MYO5A: variants seen among roughly 807,000 people sequenced by gnomAD.
MYO5A encodes the protein unconventional myosin-Va.
A neutral mutation model predicts 249.7 loss-of-function variants in MYO5A; 98 were observed. The observed-to-expected ratio is 0.39, with a 90% confidence interval of 0.33 to 0.46. The LOEUF is 0.46. Ranked by LOEUF, MYO5A falls within the 20% of genes least tolerant of loss-of-function variation. The pLI, the probability that MYO5A is intolerant of heterozygous loss-of-function variation, is 0.98. For synonymous variants in MYO5A, 778 were observed against 810.6 expected (o/e 0.96, Z 0.68); for missense variants, 1,696 against 2,308.8 (o/e 0.73, Z 5.44).
At chr15:52,435,007 A>T (rs1259993425) in intron 1 of MYO5A, among the ~76,000 whole-genome samples, 1 of 152,228 alleles carries the variant, frequency 6.6e-6, no homozygotes, top group African/African-American at 2.4e-5. Flanking sequence ...AGTATGTTAA[A>T]TATGGGGCAA....
intron 41 of MYO5A, 68 bp downstream of exon 41, chr15:52,314,054 CA>C (rs1422210063): frequency 1.4e-6 from 2 of 1,394,398 alleles, no homozygotes; most frequent in Admixed American, 3.4e-5. Context: ...CATTATCCTT[CA>C]ATAAATTACA....
intron 1 of MYO5A, among the ~76,000 whole-genome samples, chr15:52,514,283 T>A (rs1195773310): frequency 6.6e-6 from 1 of 152,216 alleles, no homozygotes; most frequent in Non-Finnish European, 1.5e-5. Flanking sequence ...GTATGGTATA[T>A]GAATTACAGC....
chr15:52,329,723 T>C (rs149182940), intron 35 of MYO5A, among the ~76,000 whole-genome samples: 1 of 152,306 alleles, frequency 6.6e-6, no homozygotes, highest in Non-Finnish European at 1.5e-5. Flanking sequence ...GTGGTTACAC[T>C]TGAGAATCCC....
chr15:52,321,097 G>A (rs1324320554), intron 38 of MYO5A, among the ~76,000 whole-genome samples: 1 of 151,936 alleles, frequency 6.6e-6, no homozygotes, highest in African/African-American at 2.4e-5. Context: ...AAAATTCAAT[G>A]CATTCAACTG....
chr15:52,450,357 AT>A (rs2075989503), intron 1 of MYO5A, among the ~76,000 whole-genome samples: 1 of 151,748 alleles, frequency 6.6e-6, no homozygotes, highest in Admixed American at 6.6e-5. Flanking sequence ...CATTAATAAT[AT>A]TCTTTAAAAA....
At chr15:52,519,993 T>A (rs76476393) in intron 1 of MYO5A, among the ~76,000 whole-genome samples, 22,644 of 152,094 alleles carry the variant, frequency 0.15, 1,796 homozygotes, top group Middle Eastern at 0.22. Context: ...CCTCCCAAAG[T>A]GCTGAGGATT....
At chr15:52,398,213 T>C (rs1282417648) in intron 9 of MYO5A, among the ~76,000 whole-genome samples, 1 of 152,188 alleles carries the variant, frequency 6.6e-6, no homozygotes, top group Non-Finnish European at 1.5e-5. Context: ...GCAGGTAACT[T>C]GATAGTTATT....
At chr15:52,418,468 C>A (rs544931306) in intron 4 of MYO5A, among the ~76,000 whole-genome samples, 1 of 152,118 alleles carries the variant, frequency 6.6e-6, no homozygotes, top group East Asian at 1.9e-4. Flanking sequence ...TTGGAAGTAA[C>A]TGCTATAAAA....
At chr15:52,359,896 G>A in intron 25 of MYO5A, 72 bp downstream of exon 25, 1 of 1,060,034 alleles carries the variant, frequency 9.4e-7, no homozygotes, top group Non-Finnish European at 1.4e-6. Flanking sequence ...AGTCTGCTTT[G>A]CAATGGAAAT....
intron 1 of MYO5A, among the ~76,000 whole-genome samples, chr15:52,514,731 C>T (rs1288212426): frequency 6.6e-6 from 1 of 152,152 alleles, no homozygotes; most frequent in Admixed American, 6.5e-5. Flanking sequence ...TGTCACAGAC[C>T]TACTGAGTCA....
In MYO5A at chr15:52,379,845, G is replaced by A. The variant is rs747003021; in HGVS notation, c.2076C>T (p.Ile692=). The A allele has an allele frequency of 6.2e-7, 1 of 1,614,188 alleles. No individual in the cohort carries two copies. Among genetic ancestry groups the A allele is most frequent in the South Asian group, 1.1e-5 (1 of 91,084 alleles). Residue 692 remains isoleucine (I), a synonymous_variant, in exon 17 of 42, where the codon ATC becomes ATT. Coordinates refer to ENST00000399233, the MANE Select transcript of MYO5A (RefSeq NM_001382347.1). The stretch of plus-strand genomic sequence containing the variant: ...ACCGTGAGGGGAAACCGGCCGCACT[G>A]ATTCGGATGGTTTCCAGGACACCAC... The part of the protein sequence containing the change: ...RACGVLETIR[I]SAAGFPSRWT...
intron 1 of MYO5A, among the ~76,000 whole-genome samples, chr15:52,493,370 T>C (rs1420235390): frequency 6.6e-6 from 1 of 152,132 alleles, no homozygotes; most frequent in African/African-American, 2.4e-5. Flanking sequence ...ATTTCAAAAA[T>C]TTATTACTGG....
At chr15:52,493,497 A>C (rs1261622004) in intron 1 of MYO5A, among the ~76,000 whole-genome samples, 1 of 151,954 alleles carries the variant, frequency 6.6e-6, no homozygotes, top group South Asian at 2.1e-4. Flanking sequence ...ACTCCGTTCT[A>C]CTAAAAATAC....
At chr15:52,424,197 T>G (rs1170453523) in intron 4 of MYO5A, among the ~76,000 whole-genome samples, 2 of 152,218 alleles carry the variant, frequency 1.3e-5, no homozygotes, top group African/African-American at 4.8e-5. Flanking sequence ...AAAAAATAAC[T>G]TTTCTTAAGC....
At chr15:52,362,738 G>A (rs1446570305) in intron 24 of MYO5A, among the ~76,000 whole-genome samples, 2 of 152,164 alleles carry the variant, frequency 1.3e-5, no homozygotes, top group Non-Finnish European at 2.9e-5. Flanking sequence ...TGGAGAGCAG[G>A]CAGACTTGCT....
In MYO5A at chr15:52,384,183, T is replaced by C. The variant is rs770304477; in HGVS notation, c.1892A>G (p.His631Arg). ...KGRPGQMAKEHKKTVGHQFRN... is the reference protein window; with the variant it reads ...KGRPGQMAKERKKTVGHQFRN... ...CACCTGATGCCCCACTGTTTTCTTG[T>C]GCTCTTTGGCCATTTGGCCTGGTCT... Residue 631 changes from histidine (H) to arginine (R), a missense_variant, in exon 15 of 42, where the codon CAC becomes CGC. His to Arg is a conservative substitution (Grantham distance 29). Transcript: ENST00000399233. 6.2e-7 allele frequency: 1 copy of C among 1,614,190 alleles called. No individual in the cohort carries two copies. The highest frequency in any genetic ancestry group is 1.1e-5 in the South Asian group (1 of 91,086).
chr15:52,509,086 C>A (rs1224543871), intron 1 of MYO5A, among the ~76,000 whole-genome samples: 1 of 152,026 alleles, frequency 6.6e-6, no homozygotes, highest in South Asian at 2.1e-4. Context: ...ATCTTCCTAC[C>A]TCAGCCTCCT....
At chr15:52,331,919 T>G (rs2038906095) in intron 34 of MYO5A, 1 of 939,398 alleles carries the variant, frequency 1.1e-6, no homozygotes, top group African/African-American at 1.8e-5. Context: ...CATGATCCAG[T>G]ATGAAAGCCA....
intron 1 of MYO5A, among the ~76,000 whole-genome samples, chr15:52,508,341 A>G (rs57997370): frequency 0.15 from 22,739 of 151,924 alleles, 1,810 homozygotes; most frequent in Middle Eastern, 0.22. Flanking sequence ...TTTTATGAAA[A>G]CTTTGATAAA....
Sources: gnomAD v4.1 joint callset for allele counts (sites outside exome capture counted in the v4.1 genomes callset) on GRCh38, gnomAD v4.1.1 for gene constraint, MANE v1.5 for transcripts, NCBI Gene and HGNC (gene_info 2026-07-23, HGNC 2026-07-21) for gene names.